OR56A1: variants seen among roughly 807,000 people sequenced by gnomAD.
OR56A1 encodes olfactory receptor 56A1.
For synonymous variants in OR56A1, 174 were observed against 159.1 expected (o/e 1.09, Z -0.70); for missense variants, 360 against 380.9 (o/e 0.94, Z 0.46).
At chr11:6,028,194 T>C (rs1590488956) in intron 1 of OR56A1, among the ~76,000 whole-genome samples, 1 of 152,028 alleles carries the variant, frequency 6.6e-6, no homozygotes, top group South Asian at 2.1e-4. Context: ...AAATAGAATA[T>C]AAATTTGATT....
rs1564815801 is a variant in OR56A1, at chr11:6,025,108, A to T, written c.*1640T>A. 1 of 152,158 alleles carries T rather than the reference A, an allele frequency of 6.6e-6. No homozygotes were observed. The highest frequency in any genetic ancestry group is 1.5e-5 in the Non-Finnish European group (1 of 68,044). The allele number at this position is 152,158 out of a possible 1,614,324, so 9.4% of individuals were successfully genotyped here. The stretch of plus-strand genomic sequence containing the variant: ...ATAGCTATGAATGCTGCCTCTAAAC[A>T]TGATGTCATGTTTCTCCACCCACCT... On this transcript the variant is annotated 3_prime_UTR_variant, in exon 2 of 2. Transcript: ENST00000641900.
chr11:6,027,042 G>A lies in OR56A1; in HGVS notation c.651C>T (p.Ile217=). 1 of 1,614,174 alleles carries A rather than the reference G, an allele frequency of 6.2e-7. No individual in the cohort carries two copies. The highest frequency in any genetic ancestry group is 8.5e-7 in the Non-Finnish European group (1 of 1,180,010). The change falls in exon 2 of 2, where the codon ATC becomes ATT. Residue 217 remains isoleucine (I), a synonymous_variant. Transcript: ENST00000641900. ...WTLLGSDLFL[I]FLSYTFILRA... is the part of the protein sequence containing the mutation. ...TTAGAATGAAGGTGTAAGAGAGGAA[G>A]ATGAGGAATAAATCTGAGCCCAGCA... is the stretch of plus-strand genomic sequence containing the variant.
rs1185883287 is a variant in OR56A1 at position 6,023,878 on chromosome 11, C to T, written c.*2870G>A. On this transcript the variant is annotated 3_prime_UTR_variant, in exon 2 of 2. Coordinates refer to ENST00000641900, the MANE Select transcript of OR56A1 (RefSeq NM_001388488.1). ...AACTTCACAGCAGAGTTGGGTCTGCCCTTCATGGTCTGATTCTTTGGTTAT... is the reference window on the plus strand; with the variant it reads ...AACTTCACAGCAGAGTTGGGTCTGCTCTTCATGGTCTGATTCTTTGGTTAT... 4 of 152,168 alleles carry T rather than the reference C, an allele frequency of 2.6e-5. No individual in the cohort carries two copies. Among genetic ancestry groups the T allele is most frequent in the African/African-American group, 9.7e-5 (4 of 41,424 alleles). The allele number at this position is 152,168 out of a possible 1,614,324, so 9.4% of individuals were successfully genotyped here.
upstream of OR56A1, among the ~76,000 whole-genome samples, chr11:6,032,429 G>A (rs1848521501): frequency 6.6e-6 from 1 of 152,108 alleles, no homozygotes; most frequent in Non-Finnish European, 1.5e-5. Context: ...GAAATAGAGG[G>A]CAGATAAAGG....
upstream of OR56A1, among the ~76,000 whole-genome samples, chr11:6,033,713 C>T (rs182302971): frequency 2.4e-3 from 361 of 152,052 alleles, 9 homozygotes; most frequent in Admixed American, 0.022. Flanking sequence ...ATAACATTAA[C>T]ATTTATGAAT....
chr11:6,026,744 A>T lies in OR56A1; in HGVS notation c.*4T>A. ...ACAGGAGGTATTAGAAATGCTTTAC[A>T]TATTCACCTCCCTCTCTGCAGTAAC... On this transcript the variant is annotated 3_prime_UTR_variant, in exon 2 of 2. Transcript: ENST00000641900. 1 of 1,531,352 alleles carries T rather than the reference A, an allele frequency of 6.5e-7. No homozygotes were observed. The highest frequency in any genetic ancestry group is 1.2e-5 in the South Asian group (1 of 83,792). The allele number at this position is 1,531,352 out of a possible 1,614,324, so 94.9% of individuals were successfully genotyped here. A position where few individuals can be genotyped will look rare whatever the true frequency, so the allele number is the denominator to read the frequency against.
At chr11:6,028,834 T>G (rs1848483200) in intron 1 of OR56A1, among the ~76,000 whole-genome samples, 1 of 152,186 alleles carries the variant, frequency 6.6e-6, no homozygotes. Flanking sequence ...ATAATTGTAC[T>G]GGTATGTTTA....
intron 1 of OR56A1, among the ~76,000 whole-genome samples, chr11:6,029,142 G>T (rs368955938): frequency 6.6e-6 from 1 of 152,080 alleles, no homozygotes; most frequent in African/African-American, 2.4e-5. Context: ...AGGGTGAGGC[G>T]GGTGAGAGGG....
In OR56A1 at chr11:6,021,389, G is replaced by A. The variant is rs1463159317; in HGVS notation, c.*5359C>T. On this transcript the variant is annotated 3_prime_UTR_variant, in exon 2 of 2. Transcript: ENST00000641900. Reference sequence around the variant, plus strand: ...ATTGTATATTTTCAAATAGCTAGAAGAAAGAATATTGAATATACCCAACAC... The same window carrying A: ...ATTGTATATTTTCAAATAGCTAGAAAAAAGAATATTGAATATACCCAACAC... 1 of 152,060 alleles carries A rather than the reference G, an allele frequency of 6.6e-6. No individual in the cohort carries two copies. Among genetic ancestry groups the A allele is most frequent in the Admixed American group, 6.6e-5 (1 of 15,254 alleles). 9.4% of individuals were successfully genotyped at this position (152,060 alleles called of 1,614,324 possible). A position where few individuals can be genotyped will look rare whatever the true frequency, so the allele number is the denominator to read the frequency against.
chr11:6,024,494 A>C lies in OR56A1; in HGVS notation c.*2254T>G, dbSNP rs561060020. ...CAGATGCAGGGAAAGCACTCCTGGA[A>C]AGACGAATGGAGTTGACCAAATGCT... On this transcript the variant is annotated 3_prime_UTR_variant, in exon 2 of 2. Transcript: ENST00000641900. The C allele has an allele frequency of 1.2e-4, 18 of 152,338 alleles. No homozygotes were observed. The highest frequency in any genetic ancestry group is 4.3e-4 in the African/African-American group (18 of 41,578). The allele number at this position is 152,338 out of a possible 1,614,324, so 9.4% of individuals were successfully genotyped here.
chr11:6,031,111 A>C (rs1848507630), upstream of OR56A1, among the ~76,000 whole-genome samples: 2 of 152,186 alleles, frequency 1.3e-5, no homozygotes, highest in Non-Finnish European at 2.9e-5. Context: ...ACATGCATTA[A>C]ATCTGTGTAG....
intron 1 of OR56A1, 152 bp from the exon 2 acceptor site, chr11:6,027,878 C>G (rs1250861537): frequency 5.4e-6 from 3 of 556,418 alleles, no homozygotes; most frequent in African/African-American, 3.7e-5. Context: ...AATTGTGAGA[C>G]TTGATAAATA....
Position 6,027,672 on chromosome 11 carries a change from G to C in OR56A1, c.21C>G (p.Ser7Arg). 1 of 1,597,520 alleles carries C rather than the reference G, an allele frequency of 6.3e-7. No individual in the cohort carries two copies. The highest frequency in any genetic ancestry group is 8.5e-7 in the Non-Finnish European group (1 of 1,172,178). MASPSN[S>R]STVPVSEFLL... ...GGAATTCAGAGACTGGGACAGTGGA[G>C]CTGTTGCTGGGTGACGCCATAGGCT... is the stretch of plus-strand genomic sequence containing the variant. Residue 7 changes from serine to arginine, a missense_variant, in exon 2 of 2, where the codon AGC (serine) becomes AGG (arginine). Coordinates refer to ENST00000641900, the MANE Select transcript of OR56A1 (RefSeq NM_001388488.1).
chr11:6,028,187 T>C (rs1039767479), intron 1 of OR56A1, among the ~76,000 whole-genome samples: 3 of 151,738 alleles, frequency 2.0e-5, no homozygotes, highest in Admixed American at 1.3e-4. Flanking sequence ...TAGAAGAAAA[T>C]AGAATATAAA....
upstream of OR56A1, among the ~76,000 whole-genome samples, chr11:6,031,866 G>A (rs1450307207): frequency 1.3e-5 from 2 of 152,000 alleles, no homozygotes; most frequent in Admixed American, 6.6e-5. Context: ...GGCTAAGATT[G>A]GAACCCTAGA....
Position 6,027,070 on chromosome 11 carries a change from G to T in OR56A1, c.623C>A (p.Thr208Asn). 6.2e-7 allele frequency: 1 copy of T among 1,614,206 alleles called. No homozygotes were observed. The highest frequency in any genetic ancestry group is 1.1e-5 in the South Asian group (1 of 91,086). Residue 208 changes from threonine to asparagine, a missense_variant, in exon 2 of 2, where the codon ACC becomes AAC. Physicochemically the swap from Thr to Asn is moderately conservative, Grantham distance 65. Transcript: ENST00000641900. Reference protein sequence around the residue: ...NRIYQFVAGWTLLGSDLFLIF... With the variant: ...NRIYQFVAGWNLLGSDLFLIF... ...GAGGAATAAATCTGAGCCCAGCAAG[G>T]TCCAACCAGCCACAAATTGGTAGAT... is the stretch of plus-strand genomic sequence containing the variant.
chr11:6,027,453 G>T lies in OR56A1; in HGVS notation c.240C>A (p.Val80=). The T allele has an allele frequency of 6.2e-7, 1 of 1,614,230 alleles. No individual in the cohort carries two copies. Among genetic ancestry groups the T allele is most frequent in the Non-Finnish European group, 8.5e-7 (1 of 1,180,046 alleles). ...SLLDIVLCLT[V]IPKVLAIFWY... is the part of the protein sequence containing the mutation. Reference sequence around the variant, plus strand: ...AGAAGATGGCCAGGACCTTGGGGATGACGGTGAGGCAGAGCACGATGTCCA... The same window carrying T: ...AGAAGATGGCCAGGACCTTGGGGATTACGGTGAGGCAGAGCACGATGTCCA... The change falls in exon 2 of 2, where the codon GTC becomes GTA. Residue 80 remains valine, a synonymous_variant. Transcript: ENST00000641900.
In OR56A1 at chr11:6,023,358, G is replaced by A. The variant is rs1358225519; in HGVS notation, c.*3390C>T. The A allele has an allele frequency of 1.3e-5, 2 of 152,170 alleles. No individual in the cohort carries two copies. Among genetic ancestry groups the A allele is most frequent in the African/African-American group, 4.8e-5 (2 of 41,438 alleles). 9.4% of individuals were successfully genotyped at this position (152,170 alleles called of 1,614,324 possible). A position where few individuals can be genotyped will look rare whatever the true frequency, so the allele number is the denominator to read the frequency against. On this transcript the variant is annotated 3_prime_UTR_variant, in exon 2 of 2. Transcript: ENST00000641900. ...ACTAAAAAGCTTTCTGTGATAAATG[G>A]AAAGTGTAGTATTGTTCCCTCAACA...
At position 6,020,662 on chromosome 11, in the gene OR56A1, A is replaced by G. The variant is rs1456980321; in HGVS notation, c.*6086T>C. 2 of 152,068 alleles carry G rather than the reference A, an allele frequency of 1.3e-5. No individual in the cohort carries two copies. The highest frequency in any genetic ancestry group is 1.9e-4 in the East Asian group (1 of 5,198). The allele number at this position is 152,068 out of a possible 1,614,324, so 9.4% of individuals were successfully genotyped here. ...AGTGATTTTTGTACATTAATTTTGT[A>G]TCCTGCAACTTTACTAACGTTTATC... On this transcript the variant is annotated 3_prime_UTR_variant, in exon 2 of 2. Coordinates refer to ENST00000641900, the MANE Select transcript of OR56A1 (RefSeq NM_001388488.1).
Sources: allele counts gnomAD v4.1 joint callset (sites outside exome capture counted in the v4.1 genomes callset), GRCh38; gene constraint gnomAD v4.1.1; transcripts MANE v1.5; gene names NCBI Gene and HGNC (gene_info 2026-07-23, HGNC 2026-07-21).